Variants in WASF3 observed in about 807,000 individuals in gnomAD.
WASF3 encodes the protein WASP family member 3.
In WASF3, 11 loss-of-function variants were observed where a neutral mutation model predicts 46.6. The ratio of observed to expected loss-of-function variants is 0.24; its 90% CI spans 0.15 to 0.39. The LOEUF is 0.39. WASF3 is among the 10% of genes least tolerant of loss of function. The probability of loss-of-function intolerance (pLI) is 1.00; values close to 1 mark genes in which losing one functional copy is unlikely to be tolerated. For missense variants in WASF3, 576 were observed against 669.8 expected (o/e 0.86, Z 1.55); for synonymous variants, 242 against 259.7 (o/e 0.93, Z 0.65).
chr13:26,661,375 T>TCA (rs1882626502), intron 3 of WASF3, among the ~76,000 whole-genome samples: 1 of 152,236 alleles, frequency 6.6e-6, no homozygotes, highest in African/African-American at 2.4e-5. Context: ...ACAGTATTTG[T>TCA]CTTTTGTGAC....
At position 26,685,866 on chromosome 13, in the gene WASF3, CGCGTGTGGGA is replaced by C. The variant is rs1566076989; in HGVS notation, c.*28_*37del. On this transcript the variant is annotated 3_prime_UTR_variant, in exon 10 of 10. Coordinates refer to ENST00000335327, the MANE Select transcript of WASF3 (RefSeq NM_006646.6). ...ACTGAGCAAAGGCCGGCGGAGAGGC[CGCGTGTGGGA>C]GCGTGTTGAAGATTTTAAGTGGTCT... 3 of 1,605,266 alleles carry C rather than the reference CGCGTGTGGGA, an allele frequency of 1.9e-6. No homozygotes were observed. Among genetic ancestry groups the C allele is most frequent in the Non-Finnish European group, 1.7e-6 (2 of 1,172,630 alleles).
chr13:26,555,540 C>T (rs1447553847), upstream of WASF3, among the ~76,000 whole-genome samples: 1 of 152,044 alleles, frequency 6.6e-6, no homozygotes, highest in Admixed American at 6.6e-5. Flanking sequence ...TAAAGCTTCC[C>T]AGGAAGATGC....
At chr13:26,548,363 G>T in the WASF3 span, among the ~76,000 whole-genome samples, 1 of 152,068 alleles carries the variant, frequency 6.6e-6, no homozygotes, top group Admixed American at 6.6e-5. Flanking sequence ...CAACTCCCCT[G>T]GGTCCTATCC....
intron 2 of WASF3, chr13:26,640,281 T>G (rs925082152): frequency 2.6e-5 from 4 of 152,092 alleles, no homozygotes; most frequent in African/African-American, 9.7e-5. Context: ...AAAATGAAAA[T>G]ATATTCCAGT....
intron 1 of WASF3, among the ~76,000 whole-genome samples, chr13:26,588,558 TATC>T (rs1880196013): frequency 1.3e-5 from 2 of 152,220 alleles, no homozygotes; most frequent in African/African-American, 4.8e-5. Flanking sequence ...CTGTTTCAGT[TATC>T]ATCACAGATT....
intron 1 of WASF3, chr13:26,609,280 A>T (rs1356316576): frequency 6.6e-6 from 1 of 152,326 alleles, no homozygotes; most frequent in East Asian, 1.9e-4. Context: ...AATGCCCTAT[A>T]GTACAGAATG....
chr13:26,649,759 A>G (rs1246196217), intron 3 of WASF3, among the ~76,000 whole-genome samples: 1 of 152,158 alleles, frequency 6.6e-6, no homozygotes, highest in East Asian at 1.9e-4. Context: ...TTGTTCGTCC[A>G]TTCAGGAGAG....
intron 2 of WASF3, among the ~76,000 whole-genome samples, chr13:26,615,528 C>T (rs764497873): frequency 6.6e-6 from 1 of 151,998 alleles, no homozygotes; most frequent in African/African-American, 2.4e-5. Context: ...AGGATGGTCT[C>T]GATCTCCTGA....
chr13:26,680,009 C>G, intron 7 of WASF3: 1 of 1,590,306 alleles, frequency 6.3e-7, no homozygotes, highest in Non-Finnish European at 8.5e-7. Flanking sequence ...TCAGCACCCC[C>G]AATGTGTGTT....
At chr13:26,585,469 A>G (rs1843753104) in intron 1 of WASF3, among the ~76,000 whole-genome samples, 1 of 152,226 alleles carries the variant, frequency 6.6e-6, no homozygotes, top group African/African-American at 2.4e-5. Context: ...ATACTCAGTC[A>G]TATGGAGAGA....
At chr13:26,567,881 A>G (rs1030823392) in intron 1 of WASF3, among the ~76,000 whole-genome samples, 2 of 152,108 alleles carry the variant, frequency 1.3e-5, no homozygotes, top group African/African-American at 4.8e-5. Flanking sequence ...AGAGACTGCC[A>G]TTTTTGATAA....
At chr13:26,681,864 CTT>C (rs920446827) in intron 8 of WASF3, among the ~76,000 whole-genome samples, 1 of 151,914 alleles carries the variant, frequency 6.6e-6, no homozygotes. Context: ...ACCCACCTCT[CTT>C]TTTTTTGGCT....
chr13:26,658,544 A>C (rs1319527735), intron 3 of WASF3, among the ~76,000 whole-genome samples: 1 of 152,244 alleles, frequency 6.6e-6, no homozygotes, highest in Non-Finnish European at 1.5e-5. Context: ...AGACACCCCA[A>C]GGCATAGAAA....
intron 1 of WASF3, among the ~76,000 whole-genome samples, chr13:26,558,859 A>C (rs1038417619): frequency 4.6e-5 from 7 of 152,198 alleles, no homozygotes; most frequent in Non-Finnish European, 8.8e-5. Flanking sequence ...TCTACTTTTT[A>C]TAAGGGGGAG....
At chr13:26,580,088 T>G (rs1879933100) in intron 1 of WASF3, among the ~76,000 whole-genome samples, 1 of 152,192 alleles carries the variant, frequency 6.6e-6, no homozygotes, top group African/African-American at 2.4e-5. Flanking sequence ...CCCAAGACAA[T>G]TCTTCTTCCA....
intron 3 of WASF3, among the ~76,000 whole-genome samples, 164 bp from the exon 4 acceptor site, chr13:26,664,864 A>G (rs558135575): frequency 6.6e-6 from 1 of 152,370 alleles, no homozygotes; most frequent in East Asian, 1.9e-4. Flanking sequence ...AGTATCTCTA[A>G]TAAACTTCAA....
intron 1 of WASF3, among the ~76,000 whole-genome samples, chr13:26,597,950 G>T (rs904334172): frequency 1.3e-5 from 2 of 152,188 alleles, no homozygotes; most frequent in African/African-American, 4.8e-5. Context: ...CTTTATAGCA[G>T]CATGATTTAT....
intron 1 of WASF3, among the ~76,000 whole-genome samples, chr13:26,587,911 A>T (rs1432439078): frequency 6.6e-6 from 1 of 152,234 alleles, no homozygotes; most frequent in African/African-American, 2.4e-5. Flanking sequence ...TTGGAAAGTT[A>T]CATTGAGAAT....
chr13:26,550,259 C>T, the WASF3 span, among the ~76,000 whole-genome samples: 3 of 152,116 alleles, frequency 2.0e-5, no homozygotes, highest in African/African-American at 4.8e-5. Context: ...TTATCCTATA[C>T]CTTATTTACT....
Sources: gnomAD v4.1 joint callset for allele counts (sites outside exome capture counted in the v4.1 genomes callset) on GRCh38, gnomAD v4.1.1 for gene constraint, MANE v1.5 for transcripts, NCBI Gene and HGNC (gene_info 2026-07-23, HGNC 2026-07-21) for gene names.